RAD54L2: variants seen among roughly 807,000 people sequenced by gnomAD.
The protein encoded by RAD54L2 is RAD54 like 2.
In RAD54L2, 27 loss-of-function variants were observed where a neutral mutation model predicts 138.4. The observed-to-expected ratio is 0.20, with a 90% CI of 0.14 to 0.27. RAD54L2 has a LOEUF of 0.27. Ranked by LOEUF, RAD54L2 falls within the 10% of genes least tolerant of loss-of-function variation. The pLI is 1.00. For synonymous variants in RAD54L2, 644 were observed against 723.2 expected (o/e 0.89, Z 1.76); for missense variants, 1,396 against 1,890.2 (o/e 0.74, Z 4.85).
intron 2 of RAD54L2, among the ~76,000 whole-genome samples, chr3:51,571,538 C>T (rs1699337548): frequency 6.6e-6 from 1 of 151,750 alleles, no homozygotes; most frequent in Non-Finnish European, 1.5e-5. Context: ...ATAGGTGCAT[C>T]ACTATTTTTA....
chr3:51,553,297 C>T (rs1043324488), intron 2 of RAD54L2, among the ~76,000 whole-genome samples: 27 of 151,992 alleles, frequency 1.8e-4, no homozygotes, highest in Admixed American at 7.9e-4. Flanking sequence ...AGGATGGTCT[C>T]GATTTCTTGA....
At chr3:51,547,161 G>A (rs566639356) in intron 2 of RAD54L2, among the ~76,000 whole-genome samples, 1 of 152,208 alleles carries the variant, frequency 6.6e-6, no homozygotes, top group Admixed American at 6.6e-5. Context: ...AGCCTGGGGC[G>A]ACATGGTGAG....
chr3:51,633,446 A>G lies in RAD54L2; in HGVS notation c.826-131A>G, dbSNP rs989462740. 3 of 860,594 alleles carry G rather than the reference A, an allele frequency of 3.5e-6. No individual in the cohort carries two copies. In the East Asian group the frequency reaches 7.5e-5, roughly 22 times the overall value. 53.3% of individuals were successfully genotyped at this position (860,594 alleles called of 1,614,324 possible). On this transcript the variant is annotated intron_variant, in intron 7 of 22. Transcript: ENST00000684192. Reference sequence around the variant, plus strand: ...TCAGTCAAGGTACAGGGAATCTTCTATGGCCATCCACACCTGCTATCTATT... The same window carrying G: ...TCAGTCAAGGTACAGGGAATCTTCTGTGGCCATCCACACCTGCTATCTATT...
chr3:51,592,835 A>G (rs1699868990), intron 3 of RAD54L2, among the ~76,000 whole-genome samples: 2 of 151,662 alleles, frequency 1.3e-5, no homozygotes, highest in Non-Finnish European at 2.9e-5. Context: ...TCGGCTTCCC[A>G]AAGTGCTGGG....
chr3:51,614,822 C>T (rs1700409290), intron 3 of RAD54L2, among the ~76,000 whole-genome samples: 1 of 151,548 alleles, frequency 6.6e-6, no homozygotes, highest in Admixed American at 6.6e-5. Flanking sequence ...CCTCTAATCT[C>T]ATTTTTAAAG....
In RAD54L2 at chr3:51,668,465, T is replaced by C. The variant is rs1127553; in HGVS notation, c.*5045T>C. On this transcript the variant is annotated 3_prime_UTR_variant, in exon 23 of 23. Coordinates refer to ENST00000684192, the MANE Select transcript of RAD54L2 (RefSeq NM_015106.4). ...GGTGATCCAGCTGCTGGTGTGATCA[T>C]GGGCTTCCCTCCTCTCAGCAGGGCA... 6.6e-6 allele frequency: 1 copy of C among 152,184 alleles called. No individual in the cohort carries two copies. The highest frequency in any genetic ancestry group is 1.5e-5 in the Non-Finnish European group (1 of 68,026). The allele number at this position is 152,184 out of a possible 1,614,324, so 9.4% of individuals were successfully genotyped here.
chr3:51,645,674 C>G lies in RAD54L2; in HGVS notation c.2740C>G (p.Pro914Ala), dbSNP rs925004055. The change falls in exon 18 of 23, where the codon CCA (proline) becomes GCA (alanine). Residue 914 changes from proline (P) to alanine (A), a missense_variant. Around this residue, in one of 7 missense-constraint regions of RAD54L2, gnomAD observed 78 missense variants for 171.6 expected, o/e 0.45. Transcript: ENST00000684192. The surrounding 1 kb of genome is among the most constrained non-coding windows in gnomAD (Gnocchi z 6.1). ...CCTACTGCACTTTGTTGAGAAGGAG[C>G]CAGCTCCCCAAGTTTCCTTGAACGT... ...ENLLHFVEKE[P>A]APQVSLNVKG... 6.2e-7 allele frequency: 1 copy of G among 1,612,234 alleles called. No homozygotes were observed. The highest frequency in any genetic ancestry group is 8.5e-7 in the Non-Finnish European group (1 of 1,179,170).
intron 2 of RAD54L2, among the ~76,000 whole-genome samples, chr3:51,567,655 A>G (rs1699246710): frequency 6.6e-6 from 1 of 152,182 alleles, no homozygotes; most frequent in East Asian, 1.9e-4. Context: ...TCATCCTTTT[A>G]TGTGAGTGGT....
Position 51,633,964 on chromosome 3 carries a change from C to G in RAD54L2, c.1071C>G (p.Leu357=). ...TGTGGCTTCCACCTCCTGAAGCCCTCCCGGCTGACAACAAGCCTGAAGAAG... is the reference window on the plus strand; with the variant it reads ...TGTGGCTTCCACCTCCTGAAGCCCTGCCGGCTGACAACAAGCCTGAAGAAG... The part of the protein sequence containing the change: ...FNMWLPPPEA[L]PADNKPEEVQ... Residue 357 remains leucine, a synonymous_variant, in exon 9 of 23, where the codon CTC becomes CTG. Coordinates refer to ENST00000684192, the MANE Select transcript of RAD54L2 (RefSeq NM_015106.4). The G allele has an allele frequency of 6.2e-7, 1 of 1,613,926 alleles. No homozygotes were observed. Among genetic ancestry groups the G allele is most frequent in the Non-Finnish European group, 8.5e-7 (1 of 1,179,804 alleles).
intron 2 of RAD54L2, among the ~76,000 whole-genome samples, chr3:51,583,282 T>C (rs1221729762): frequency 6.6e-6 from 1 of 152,172 alleles, no homozygotes; most frequent in African/African-American, 2.4e-5. Flanking sequence ...GACTTAACTG[T>C]ATTGTTGAAG....
At chr3:51,656,582 C>T (rs1701606444) in intron 20 of RAD54L2, among the ~76,000 whole-genome samples, 2 of 152,182 alleles carry the variant, frequency 1.3e-5, no homozygotes, top group East Asian at 1.9e-4. Flanking sequence ...TCTACCTTTG[C>T]GAGTTTGATA....
intron 4 of RAD54L2, among the ~76,000 whole-genome samples, chr3:51,628,808 C>G (rs1308842619): frequency 6.6e-6 from 1 of 151,996 alleles, no homozygotes; most frequent in Non-Finnish European, 1.5e-5. Context: ...CTCTGCCTCC[C>G]AGGTTCAAGC....
chr3:51,585,017 C>T (rs1424080282), intron 2 of RAD54L2, among the ~76,000 whole-genome samples: 2 of 151,504 alleles, frequency 1.3e-5, no homozygotes, highest in Non-Finnish European at 1.5e-5. Context: ...AAAAGCCCAG[C>T]CCAGGCTGGT....
intron 19 of RAD54L2, among the ~76,000 whole-genome samples, chr3:51,646,998 A>G (rs533935547): frequency 6.6e-6 from 1 of 152,174 alleles, no homozygotes; most frequent in Non-Finnish European, 1.5e-5. Context: ...GCCAAGTGCT[A>G]AGCAGTGAGA....
At chr3:51,602,735 G>T (rs1700104093) in intron 3 of RAD54L2, among the ~76,000 whole-genome samples, 1 of 152,200 alleles carries the variant, frequency 6.6e-6, no homozygotes. Context: ...ATTGTCGTGG[G>T]CATTGGGAAT....
chr3:51,582,818 T>C (rs1387537141), intron 2 of RAD54L2, among the ~76,000 whole-genome samples: 2 of 151,202 alleles, frequency 1.3e-5, no homozygotes, highest in East Asian at 2.0e-4. Context: ...GACTGCGGAC[T>C]GCAGTGGCGC....
In RAD54L2 at chr3:51,585,339, G is replaced by A. The variant is rs1007714380; in HGVS notation, c.-54-5028G>A. ...AAGGAACAATCATGATGCTATCAAG[G>A]ACCATAATGACATCTGTGAAATTTC... On this transcript the variant is annotated intron_variant, in intron 2 of 22. Transcript: ENST00000684192. 3.3e-5 allele frequency among the ~76,000 whole-genome samples: 5 copies of A among 152,232 alleles called. No homozygotes were observed. In the East Asian group the frequency reaches 9.6e-4, roughly 29 times the overall value.
intron 3 of RAD54L2, among the ~76,000 whole-genome samples, chr3:51,618,652 CAT>C (rs1700500995): frequency 6.6e-6 from 1 of 152,154 alleles, no homozygotes; most frequent in Non-Finnish European, 1.5e-5. Context: ...GAGCCACATC[CAT>C]ATGTCAATTT....
At chr3:51,647,648 A>G (rs1435930922) in intron 19 of RAD54L2, among the ~76,000 whole-genome samples, 1 of 152,134 alleles carries the variant, frequency 6.6e-6, no homozygotes, top group Non-Finnish European at 1.5e-5. Flanking sequence ...CAGCCTGGGC[A>G]ACAAGAGCAA....
Sources: allele counts gnomAD v4.1 joint callset (sites outside exome capture counted in the v4.1 genomes callset), GRCh38; gene constraint gnomAD v4.1.1; regional missense constraint gnomAD v4.1.1; non-coding constraint Gnocchi (gnomAD v3.1); transcripts MANE v1.5; gene names NCBI Gene and HGNC (gene_info 2026-07-23, HGNC 2026-07-21).